Variants in AFG3L2 observed in about 807,000 individuals in gnomAD.
The protein encoded by AFG3L2 is mitochondrial inner membrane m-AAA protease component AFG3L2.
Under a neutral mutation model 94.5 loss-of-function variants are expected in AFG3L2, and 54 were observed. The ratio of observed to expected loss-of-function variants is 0.57; its 90% CI spans 0.46 to 0.72. The LOEUF (loss-of-function observed/expected upper bound fraction) is 0.72. Among genes scored for constraint, AFG3L2 ranks in the 30% least tolerant of loss-of-function variants. The pLI is 0.00. For missense variants in AFG3L2, 754 were observed against 994.9 expected (o/e 0.76, Z 3.26); for synonymous variants, 377 against 365.5 (o/e 1.03, Z -0.36).
chr18:12,355,207 T>TAA (rs1908453421), intron 9 of AFG3L2, among the ~76,000 whole-genome samples: 5 of 65,808 alleles, frequency 7.6e-5, no homozygotes, highest in African/African-American at 2.1e-4. Context: ...TCAAAAAAAA[T>TAA]TAAAAAAAAA....
At chr18:12,340,877 G>GAATT (rs1907928948) in intron 14 of AFG3L2, 1 of 162,042 alleles carries the variant, frequency 6.2e-6, no homozygotes, top group Non-Finnish European at 1.4e-5. Flanking sequence ...ACAGGCGTGA[G>GAATT]CTACCACGTC....
intron 1 of AFG3L2, among the ~76,000 whole-genome samples, chr18:12,373,315 G>A (rs147818041): frequency 6.6e-6 from 1 of 151,888 alleles, no homozygotes. Flanking sequence ...AAAATGAAAT[G>A]TTATTCAAGC....
chr18:12,333,497 G>C (rs2143095922), intron 16 of AFG3L2, among the ~76,000 whole-genome samples: 1 of 150,428 alleles, frequency 6.6e-6, no homozygotes, highest in African/African-American at 2.4e-5. Flanking sequence ...CCAAGTAGCT[G>C]GGACTACAGA....
chr18:12,329,911 C>T (rs773842502), intron 16 of AFG3L2, 128 bp from the exon 17 acceptor site: 4 of 792,318 alleles, frequency 5.0e-6, no homozygotes, highest in Non-Finnish European at 8.3e-6. Flanking sequence ...ATGTCTCATA[C>T]ATAAGGTTGC....
At chr18:12,376,795 C>G (rs2143252737) in intron 1 of AFG3L2, among the ~76,000 whole-genome samples, 174 bp downstream of exon 1, 1 of 152,368 alleles carries the variant, frequency 6.6e-6, no homozygotes, top group South Asian at 2.1e-4. Context: ...GGGCTGAGCG[C>G]GAATCGGCGC....
At chr18:12,370,384 G>C (rs1240571601) in intron 3 of AFG3L2, among the ~76,000 whole-genome samples, 2 of 151,078 alleles carry the variant, frequency 1.3e-5, no homozygotes, top group African/African-American at 4.9e-5. Flanking sequence ...AGAAAATTAA[G>C]GTGAAATGTA....
At chr18:12,366,365 A>G (rs1230298720) in intron 5 of AFG3L2, among the ~76,000 whole-genome samples, 1 of 152,342 alleles carries the variant, frequency 6.6e-6, no homozygotes, top group South Asian at 2.1e-4. Flanking sequence ...CTTATTTCCC[A>G]TTGGTTGTGG....
Position 12,370,871 on chromosome 18 carries a change from T to C in AFG3L2, c.270A>G (p.Lys90=), listed in dbSNP as rs566478923. 6 of 1,588,892 alleles carry C rather than the reference T, an allele frequency of 3.8e-6. No homozygotes were observed. Among genetic ancestry groups the C allele is most frequent in the Non-Finnish European group, 4.3e-6 (5 of 1,159,602 alleles). Residue 90 remains lysine, a synonymous_variant, in exon 3 of 17, where the codon AAA becomes AAG. Transcript: ENST00000269143. ...GKNGKKASEP[K]EVMGEKKESK... Reference sequence around the variant, plus strand: ...TACCTTTTTTCTCTCCCATAACTTCTTTAGGTTCACTAGCTTTTTTTCCAT... The same window carrying C: ...TACCTTTTTTCTCTCCCATAACTTCCTTAGGTTCACTAGCTTTTTTTCCAT...
Position 12,366,975 on chromosome 18 carries a change from G to T in AFG3L2, c.542C>A (p.Ser181Ter). The change falls in exon 5 of 17, where the codon TCA becomes TAA. Residue 181 changes from serine (S) to a stop codon, truncating the protein, a stop_gained. Coordinates refer to ENST00000269143, the MANE Select transcript of AFG3L2 (RefSeq NM_006796.3). LOFTEE classifies it high-confidence loss of function. ...TWKDFVNNYLSKGVVDRLEVV... is the reference protein window; with the variant it reads ...TWKDFVNNYL ...CCATAAAATACTTACTACTCCTTTT[G>T]AAAGATAGTTATTGACAAAGTCCTT... 1 of 1,614,158 alleles carries T rather than the reference G, an allele frequency of 6.2e-7. No individual in the cohort carries two copies. The highest frequency in any genetic ancestry group is 2.2e-5 in the East Asian group (1 of 44,882).
intron 1 of AFG3L2, among the ~76,000 whole-genome samples, chr18:12,376,142 T>C (rs544939403): frequency 1.3e-5 from 2 of 152,268 alleles, no homozygotes; most frequent in South Asian, 4.1e-4. Context: ...CCCCTTACAG[T>C]GAAGACGTTG....
intron 13 of AFG3L2, among the ~76,000 whole-genome samples, chr18:12,345,625 T>C (rs1364141475): frequency 1.3e-5 from 2 of 152,200 alleles, no homozygotes; most frequent in East Asian, 3.9e-4. Context: ...GAGTCATTCA[T>C]TTTCTCAGTG....
chr18:12,375,361 G>A (rs1018034903), intron 1 of AFG3L2, among the ~76,000 whole-genome samples: 1 of 148,846 alleles, frequency 6.7e-6, no homozygotes, highest in East Asian at 2.0e-4. Context: ...AACCCGCCTT[G>A]GCCCCCCGAG....
In AFG3L2 at chr18:12,351,406, A is replaced by C; in HGVS notation, c.1326T>G (p.Asn442Lys). ...NQLLVEMDGF[N>K]TTTNVVILAG... ...CCAAAATGACGACATTTGTTGTTGT[A>C]TTAAAACCTGAAAGATAACAAAAAT... Residue 442 changes from asparagine to lysine, a missense_variant, in exon 11 of 17, where the codon AAT (asparagine) becomes AAG (lysine). Asn to Lys is a moderately conservative substitution (Grantham distance 94). This residue lies in a region of AFG3L2 where 109 missense variants were observed against 227.1 expected (regional missense o/e 0.48). Transcript: ENST00000269143. The C allele has an allele frequency of 6.2e-7, 1 of 1,614,138 alleles. No individual in the cohort carries two copies. Among genetic ancestry groups the C allele is most frequent in the Non-Finnish European group, 8.5e-7 (1 of 1,179,996 alleles).
intron 14 of AFG3L2, chr18:12,340,950 G>A (rs2143128114): frequency 6.5e-6 from 1 of 154,070 alleles, no homozygotes; most frequent in African/African-American, 2.5e-5. Flanking sequence ...TAAAAACAGG[G>A]TCTCACTTTG....
intron 13 of AFG3L2, among the ~76,000 whole-genome samples, chr18:12,345,508 C>T (rs10853225): frequency 0.69 from 104,243 of 152,138 alleles, 37,089 homozygotes; most frequent in Non-Finnish European, 0.78. Flanking sequence ...CAAGCATATG[C>T]CACAGGGCGG....
intron 5 of AFG3L2, among the ~76,000 whole-genome samples, chr18:12,365,650 T>C (rs2143212727): frequency 6.6e-6 from 1 of 152,194 alleles, no homozygotes; most frequent in East Asian, 1.9e-4. Context: ...CTTAGCACAG[T>C]AGCAGCTGCT....
intron 12 of AFG3L2, among the ~76,000 whole-genome samples, chr18:12,350,411 T>C (rs1767279563): frequency 6.6e-6 from 1 of 151,738 alleles, no homozygotes; most frequent in South Asian, 2.1e-4. Flanking sequence ...TTAACTTTAT[T>C]TCAATAGAGC....
At chr18:12,376,890 G>T in intron 1 of AFG3L2, 79 bp downstream of exon 1, 1 of 1,141,494 alleles carries the variant, frequency 8.8e-7, no homozygotes, top group Non-Finnish European at 1.1e-6. Flanking sequence ...GGGGGCCAGT[G>T]ACCTTGACGT....
chr18:12,367,240 A>G (rs1482506015), intron 4 of AFG3L2, 36 bp downstream of exon 4: 3 of 1,613,550 alleles, frequency 1.9e-6, no homozygotes, highest in South Asian at 1.1e-5. Flanking sequence ...GGCCACCATC[A>G]TAACCTCAAA....
Sources: allele counts gnomAD v4.1 joint callset (sites outside exome capture counted in the v4.1 genomes callset), GRCh38; gene constraint gnomAD v4.1.1; regional missense constraint gnomAD v4.1.1; transcripts MANE v1.5; gene names NCBI Gene and HGNC (gene_info 2026-07-23, HGNC 2026-07-21).